Variants in EXOC4 observed in about 807,000 individuals in gnomAD.
EXOC4 encodes the protein exocyst complex component 4, also known as SEC8-like 1.
In EXOC4, 71 loss-of-function variants were observed where a neutral mutation model predicts 107.2. That is an observed-to-expected ratio of 0.66 (90% CI 0.55 to 0.81). The LOEUF (loss-of-function observed/expected upper bound fraction) is 0.81, where lower values mean the gene tolerates loss of function less well. Among genes scored for constraint, EXOC4 ranks in the 30% least tolerant of loss-of-function variants. The pLI is 0.00. For synonymous variants in EXOC4, 456 were observed against 441.2 expected (o/e 1.03, Z -0.42); for missense variants, 1,108 against 1,189.6 (o/e 0.93, Z 1.01).
At chr7:133,341,126 T>C (rs1242964146) in intron 5 of EXOC4, among the ~76,000 whole-genome samples, 2 of 152,202 alleles carry the variant, frequency 1.3e-5, no homozygotes, top group East Asian at 3.8e-4. Context: ...GACCTTAGAT[T>C]GTCTATTTGT....
At position 133,301,052 on chromosome 7, in the gene EXOC4, C is replaced by T. The variant is rs905030266; in HGVS notation, c.472-4825C>T. Among the ~76,000 whole-genome samples the T allele has an allele frequency of 5.9e-5, 9 of 152,318 alleles. No homozygotes were observed. The East Asian group carries it at 9.6e-4, about 16-fold the overall frequency. On this transcript the variant is annotated intron_variant, in intron 3 of 17. Coordinates refer to ENST00000253861, the MANE Select transcript of EXOC4 (RefSeq NM_021807.4). ...TAAATATCTTCGCTGCTTGCTTAGACGTGAGTCGGAATCATTCCACATTCA... is the reference window on the plus strand; with the variant it reads ...TAAATATCTTCGCTGCTTGCTTAGATGTGAGTCGGAATCATTCCACATTCA...
rs550367344 is a variant in EXOC4, at chr7:133,311,167, CAAATG to C, written c.656+5111_656+5115del. On this transcript the variant is annotated intron_variant, in intron 4 of 17. Transcript: ENST00000253861. Reference sequence around the variant, plus strand: ...TTCCAGTTGAAAATTTTGAAACTGTCAAATGAAATCTAAAGTTCACATGGATGAAT... The same window carrying C: ...TTCCAGTTGAAAATTTTGAAACTGTCAAATCTAAAGTTCACATGGATGAAT... 2.6e-3 allele frequency among the ~76,000 whole-genome samples: 396 copies of C among 152,054 alleles called. 5 individuals are homozygous for C. Among genetic ancestry groups the C allele is most frequent in the African/African-American group, 8.9e-3 (369 of 41,424 alleles).
chr7:133,761,104 T>G (rs1312845181), intron 10 of EXOC4, among the ~76,000 whole-genome samples: 1 of 152,218 alleles, frequency 6.6e-6, no homozygotes, highest in Non-Finnish European at 1.5e-5. Flanking sequence ...ACAATAAATC[T>G]ACTGGGGCTT....
chr7:133,709,540 C>CCT (rs1429120679), intron 10 of EXOC4, among the ~76,000 whole-genome samples: 3 of 152,102 alleles, frequency 2.0e-5, no homozygotes, highest in Non-Finnish European at 4.4e-5. Context: ...TTTGGCCAGA[C>CCT]CTCAGACTAC....
Position 133,468,244 on chromosome 7 carries a change from C to T in EXOC4, c.1183-7084C>T, listed in dbSNP as rs996773468. Among the ~76,000 whole-genome samples the T allele has an allele frequency of 9.2e-5, 14 of 152,126 alleles. No individual in the cohort carries two copies. In the East Asian group the frequency reaches 2.1e-3, roughly 23 times the overall value. ...TAATGAACCATTCACAAGACCATAG[C>T]GTTAGTGGTTTTAATTGTGCAACTG... On this transcript the variant is annotated intron_variant, in intron 7 of 17. Transcript: ENST00000253861.
rs575631559 is a variant in EXOC4 at position 133,933,651 on chromosome 7, G to A, written c.2028-4240G>A. 7.9e-5 allele frequency among the ~76,000 whole-genome samples: 12 copies of A among 152,300 alleles called. No individual in the cohort carries two copies. The South Asian group carries it at 2.5e-3, about 32-fold the overall frequency. ...GGAAATAATACTGTCCAGTTGCCAG[G>A]CAGCAGCCATTCTGGCTGCGAGGTC... On this transcript the variant is annotated intron_variant, in intron 13 of 17. Transcript: ENST00000253861.
rs74681255 is a variant in EXOC4, at chr7:133,448,675, G to C, written c.1183-26653G>C. The stretch of plus-strand genomic sequence containing the variant: ...AGAGTTGTATCACCCCAAAAGTTAT[G>C]TTCAAATCCTGGCGTCTGGTATATG... On this transcript the variant is annotated intron_variant, in intron 7 of 17. Coordinates refer to ENST00000253861, the MANE Select transcript of EXOC4 (RefSeq NM_021807.4). 6.0e-3 allele frequency among the ~76,000 whole-genome samples: 917 copies of C among 152,260 alleles called. 6 individuals carry two copies. Among genetic ancestry groups the C allele is most frequent in the African/African-American group, 0.018 (741 of 41,542 alleles).
At chr7:133,763,354 G>A (rs527332388) in intron 10 of EXOC4, among the ~76,000 whole-genome samples, 1 of 152,194 alleles carries the variant, frequency 6.6e-6, no homozygotes, top group East Asian at 1.9e-4. Flanking sequence ...CTTTCACCTA[G>A]CACAGTCCAT....
chr7:133,492,625 A>T (rs1265351503), intron 9 of EXOC4, among the ~76,000 whole-genome samples: 1 of 151,530 alleles, frequency 6.6e-6, no homozygotes, highest in South Asian at 2.1e-4. Flanking sequence ...TCCTCTTTTT[A>T]TTTTTTAATT....
At chr7:133,875,123 A>G (rs1231804249) in intron 11 of EXOC4, among the ~76,000 whole-genome samples, 4 of 152,202 alleles carry the variant, frequency 2.6e-5, no homozygotes, top group Non-Finnish European at 4.4e-5. Context: ...GATATTCTGG[A>G]GTTCTTTGAA....
At chr7:133,336,503 A>T (rs1259221141) in intron 5 of EXOC4, among the ~76,000 whole-genome samples, 7 of 152,148 alleles carry the variant, frequency 4.6e-5, no homozygotes, top group African/African-American at 1.7e-4. Context: ...TCCCAACAGA[A>T]TGTGTTTTCA....
At chr7:133,386,660 G>A (rs1478422507) in intron 7 of EXOC4, among the ~76,000 whole-genome samples, 1 of 152,166 alleles carries the variant, frequency 6.6e-6, no homozygotes, top group Non-Finnish European at 1.5e-5. Context: ...TTTAAAAACT[G>A]AGTGGAAGTG....
chr7:133,687,745 A>G (rs1450982327), intron 10 of EXOC4, among the ~76,000 whole-genome samples: 2 of 152,128 alleles, frequency 1.3e-5, no homozygotes, highest in African/African-American at 2.4e-5. Flanking sequence ...TTTCTGTAAC[A>G]TTAATACAAG....
chr7:133,773,969 TA>T (rs1796296564), intron 10 of EXOC4, among the ~76,000 whole-genome samples: 2 of 152,238 alleles, frequency 1.3e-5, no homozygotes, highest in African/African-American at 4.8e-5. Flanking sequence ...CGTTCTTTCT[TA>T]CATCTGGTTT....
At chr7:133,896,479 A>G (rs1486484175) in intron 12 of EXOC4, among the ~76,000 whole-genome samples, 2 of 151,172 alleles carry the variant, frequency 1.3e-5, no homozygotes, top group Non-Finnish European at 2.9e-5. Flanking sequence ...CTTGTACAGT[A>G]TAGACTGTGA....
chr7:133,557,554 C>T (rs1584996581), intron 9 of EXOC4, among the ~76,000 whole-genome samples: 2 of 152,120 alleles, frequency 1.3e-5, no homozygotes, highest in South Asian at 4.1e-4. Flanking sequence ...TCAATAGATT[C>T]ATAGTGTTAG....
rs1432464084 is a variant in EXOC4, at chr7:134,064,620, C to T, written c.*92C>T. 7 of 846,168 alleles carry T rather than the reference C, an allele frequency of 8.3e-6. No individual in the cohort carries two copies. In the East Asian group the frequency reaches 1.9e-4, roughly 23 times the overall value. The allele number at this position is 846,168 out of a possible 1,614,324, so 52.4% of individuals were successfully genotyped here. A position where few individuals can be genotyped will look rare whatever the true frequency, so the allele number is the denominator to read the frequency against. The stretch of plus-strand genomic sequence containing the variant: ...TTGAGTATATTCTGAGCTTAGTTTT[C>T]TCTACAGTGATACTTTAGTGGAGAG... On this transcript the variant is annotated 3_prime_UTR_variant, in exon 18 of 18. Transcript: ENST00000253861.
intron 11 of EXOC4, among the ~76,000 whole-genome samples, chr7:133,843,814 A>G (rs1373128420): frequency 1.3e-5 from 2 of 152,042 alleles, no homozygotes; most frequent in African/African-American, 2.4e-5. Flanking sequence ...TAGATGGTTC[A>G]TATTATTTTG....
At chr7:133,781,036 T>C (rs1392915323) in intron 10 of EXOC4, among the ~76,000 whole-genome samples, 1 of 152,252 alleles carries the variant, frequency 6.6e-6, no homozygotes, top group Non-Finnish European at 1.5e-5. Context: ...CACTGGCCAC[T>C]GAGTCAGCAA....
Sources: gnomAD v4.1 joint callset for allele counts (sites outside exome capture counted in the v4.1 genomes callset) on GRCh38, gnomAD v4.1.1 for gene constraint, MANE v1.5 for transcripts, NCBI Gene and HGNC (gene_info 2026-07-23, HGNC 2026-07-21) for gene names.